The following LIM2 variants were observed in gnomAD, a reference collection of about 807,000 sequenced individuals.
LIM2 encodes lens fiber membrane intrinsic protein.
LIM2 carries 14 observed loss-of-function variants against 19.0 expected under a neutral mutation model. The observed-to-expected ratio is 0.74, with a 90% CI of 0.49 to 1.15. The LOEUF (loss-of-function observed/expected upper bound fraction) is 1.15. LIM2 is among the 50% of genes most tolerant of loss of function. The pLI is 0.00. For synonymous variants in LIM2, 78 were observed against 89.6 expected, an observed-to-expected ratio of 0.87 and a Z score of 0.73; for missense variants, 230 against 243.5, an observed-to-expected ratio of 0.94 and a Z score of 0.37.
intron 3 of LIM2, among the ~76,000 whole-genome samples, chr19:51,382,060 G>A (rs1043775954): frequency 6.6e-6 from 1 of 152,172 alleles, no homozygotes; most frequent in Non-Finnish European, 1.5e-5. Context: ...GTGGGTCTTG[G>A]GAACCTCCTA....
intron 2 of LIM2, among the ~76,000 whole-genome samples, chr19:51,384,464 G>T (rs1046562564): frequency 6.6e-6 from 1 of 152,052 alleles, no homozygotes; most frequent in South Asian, 2.1e-4. Context: ...AAAGACTGCC[G>T]TCCTTATAAA....
chr19:51,381,431 T>G (rs1005321169), intron 3 of LIM2, among the ~76,000 whole-genome samples: 2 of 152,200 alleles, frequency 1.3e-5, no homozygotes, highest in African/African-American at 4.8e-5. Flanking sequence ...ATTCCATCAA[T>G]GACCAACGAT....
At chr19:51,383,027 C>CTTTTTTTTTTTTT (rs1163859181) in intron 2 of LIM2, among the ~76,000 whole-genome samples, 10 of 88,304 alleles carry the variant, frequency 1.1e-4, no homozygotes, top group Admixed American at 1.7e-4. Flanking sequence ...TTTTTCTTTT[C>CTTTTTTTTTTTTT]TTTTTTTTTT....
Position 51,380,492 on chromosome 19 carries a change from T to C in LIM2, c.460+13A>G, listed in dbSNP as rs1986865946. ...CCCCAGGCACTGACCTTCCCACCCC[T>C]TGCCCCCAGTACCTGCGAAGAACGT... On this transcript the variant is annotated intron_variant, in intron 4 of 4. Coordinates refer to ENST00000596399, the MANE Select transcript of LIM2 (RefSeq NM_001161748.2). 6.2e-7 allele frequency: 1 copy of C among 1,614,014 alleles called. No homozygotes were observed. Among genetic ancestry groups the C allele is most frequent in the African/African-American group, 1.3e-5 (1 of 75,000 alleles).
chr19:51,380,749 G>T, intron 3 of LIM2, 110 bp from the exon 4 acceptor site: 14 of 964,790 alleles, frequency 1.5e-5, no homozygotes, highest in East Asian at 3.5e-5. Flanking sequence ...GAAAGGGGTG[G>T]AAATGGGTTG....
At chr19:51,382,943 T>TTGAA (rs201798695) in intron 2 of LIM2, among the ~76,000 whole-genome samples, 9 of 152,078 alleles carry the variant, frequency 5.9e-5, no homozygotes, top group South Asian at 4.1e-4. Flanking sequence ...GAAATGTTTG[T>TTGAA]TGAATGAATG....
chr19:51,380,660 G>A lies in LIM2; in HGVS notation c.326-21C>T, dbSNP rs1191620490. 7 of 1,612,774 alleles carry A rather than the reference G, an allele frequency of 4.3e-6. No individual in the cohort carries two copies. In the South Asian group the frequency reaches 5.5e-5, roughly 13 times the overall value. The stretch of plus-strand genomic sequence containing the variant: ...AAGGGCTGGGGAGAGAGGGCGGGAG[G>A]ATGCAGGTGGGACTAAGGCTGGGTG... On this transcript the variant is annotated intron_variant, in intron 3 of 4. Coordinates refer to ENST00000596399, the MANE Select transcript of LIM2 (RefSeq NM_001161748.2).
rs375690123 is a variant in LIM2 at position 51,380,151 on chromosome 19, T to C, written c.*50A>G. On this transcript the variant is annotated 3_prime_UTR_variant, in exon 5 of 5. Coordinates refer to ENST00000596399, the MANE Select transcript of LIM2 (RefSeq NM_001161748.2). ...GGCCTCTAGACCCTCCTCCTCCTCT[T>C]CAGTGGCCTCACTTTAACTTCCAGA... The C allele has an allele frequency of 4.9e-5, 76 of 1,562,936 alleles. No individual in the cohort carries two copies. The highest frequency in any genetic ancestry group is 6.3e-5 in the Non-Finnish European group (72 of 1,136,290).
intron 2 of LIM2, among the ~76,000 whole-genome samples, chr19:51,383,838 T>C (rs1250657700): frequency 6.6e-6 from 1 of 152,214 alleles, no homozygotes; most frequent in Admixed American, 6.5e-5. Context: ...GCTTGGCTAT[T>C]CTGTCTGCTG....
chr19:51,384,832 C>A (rs974382049), intron 2 of LIM2, among the ~76,000 whole-genome samples: 6 of 151,520 alleles, frequency 4.0e-5, no homozygotes, highest in Admixed American at 3.9e-4. Context: ...TTGCTTGAGG[C>A]CAGGAGGGTT....
rs544231255 is a variant in LIM2 at position 51,387,044 on chromosome 19, G to A, written c.175+225C>T. On this transcript the variant is annotated intron_variant, in intron 2 of 4. Transcript: ENST00000596399. ...TGACACCTCTGAAGCGTCAGGAAATGCCACCTCTCCCAACTTAACCTTCAA... is the reference window on the plus strand; with the variant it reads ...TGACACCTCTGAAGCGTCAGGAAATACCACCTCTCCCAACTTAACCTTCAA... 5.0e-5 allele frequency: 40 copies of A among 798,262 alleles called. No individual in the cohort carries two copies. In the South Asian group the frequency reaches 5.7e-4, roughly 11 times the overall value. 49.4% of individuals were successfully genotyped at this position (798,262 alleles called of 1,614,324 possible). A position where few individuals can be genotyped will look rare whatever the true frequency, so the allele number is the denominator to read the frequency against.
Position 51,382,806 on chromosome 19 carries a change from G to T in LIM2, c.176-239C>A, listed in dbSNP as rs143067299. Among the ~76,000 whole-genome samples the T allele has an allele frequency of 1.4e-4, 22 of 151,962 alleles. No homozygotes were observed. The East Asian group carries it at 3.9e-3, about 27-fold the overall frequency. ...CCCCTCAGTCATCATCTTCACCCAC[G>T]GCTAAGGGTTGTGACTCTCTTTGTC... On this transcript the variant is annotated intron_variant, in intron 2 of 4. Coordinates refer to ENST00000596399, the MANE Select transcript of LIM2 (RefSeq NM_001161748.2).
At chr19:51,384,551 T>C (rs1019022769) in intron 2 of LIM2, among the ~76,000 whole-genome samples, 8 of 152,108 alleles carry the variant, frequency 5.3e-5, no homozygotes, top group Non-Finnish European at 1.0e-4. Context: ...GTGATGCATC[T>C]CCAAACCAAG....
At chr19:51,384,774 C>T (rs1308824505) in intron 2 of LIM2, among the ~76,000 whole-genome samples, 6 of 152,064 alleles carry the variant, frequency 3.9e-5, no homozygotes, top group Admixed American at 6.5e-5. Context: ...CTGGTCACAG[C>T]GGCTCAGGCC....
chr19:51,387,811 T>G, intron 1 of LIM2, 108 bp downstream of exon 1: 5 of 300,360 alleles, frequency 1.7e-5, no homozygotes, highest in South Asian at 3.6e-5. Flanking sequence ...AGGAAGGGGC[T>G]AGGGGCTAGG....
chr19:51,386,581 T>G (rs1278759573), intron 2 of LIM2, among the ~76,000 whole-genome samples: 10 of 145,812 alleles, frequency 6.9e-5, no homozygotes, highest in African/African-American at 2.5e-4. Context: ...ATATAATGGA[T>G]TCTACATCAT....
intron 2 of LIM2, 41 bp downstream of exon 2, chr19:51,387,228 C>G: frequency 6.2e-7 from 1 of 1,614,230 alleles, no homozygotes; most frequent in Non-Finnish European, 8.5e-7. Flanking sequence ...CCGCCCTGCT[C>G]TTTCCCCAGG....
At position 51,380,174 on chromosome 19, in the gene LIM2, A is replaced by T. The variant is rs1342573350; in HGVS notation, c.*27T>A. ...CTTCAGTGGCCTCACTTTAACTTCC[A>T]GATGAAGTTGGGGGACACATTTGGG... is the stretch of plus-strand genomic sequence containing the variant. On this transcript the variant is annotated 3_prime_UTR_variant, in exon 5 of 5. Transcript: ENST00000596399. 1 of 1,608,312 alleles carries T rather than the reference A, an allele frequency of 6.2e-7. No individual in the cohort carries two copies. Among genetic ancestry groups the T allele is most frequent in the Non-Finnish European group, 8.5e-7 (1 of 1,175,400 alleles).
intron 3 of LIM2, among the ~76,000 whole-genome samples, chr19:51,381,505 G>T (rs978415500): frequency 6.6e-6 from 1 of 152,062 alleles, no homozygotes; most frequent in African/African-American, 2.4e-5. Context: ...GCTCAGTGGC[G>T]CTCCCTATTG....
Sources: allele counts gnomAD v4.1 joint callset (sites outside exome capture counted in the v4.1 genomes callset), GRCh38; gene constraint gnomAD v4.1.1; transcripts MANE v1.5; gene names NCBI Gene and HGNC (gene_info 2026-07-23, HGNC 2026-07-21).